The following RSF1 variants were observed in gnomAD, a reference collection of about 807,000 sequenced individuals.
The protein encoded by RSF1 is HBV pX-associated protein 8.
Under a neutral mutation model 145.2 loss-of-function variants are expected in RSF1, and 13 were observed. The observed-to-expected ratio is 0.09, with a 90% CI of 0.06 to 0.14. The LOEUF is 0.14. Ranked by LOEUF, RSF1 falls within the 10% of genes least tolerant of loss-of-function variation. The probability of loss-of-function intolerance (pLI) is 1.00; values close to 1 mark genes in which losing one functional copy is unlikely to be tolerated. For synonymous variants in RSF1, 577 were observed against 592.6 expected (o/e 0.97, Z 0.38); for missense variants, 1,517 against 1,718.2 (o/e 0.88, Z 2.07).
intron 9 of RSF1, among the ~76,000 whole-genome samples, chr11:77,690,302 CT>C (rs940506539): frequency 6.6e-6 from 1 of 152,126 alleles, no homozygotes; most frequent in Non-Finnish European, 1.5e-5. Flanking sequence ...CCAATGTTAG[CT>C]GCCCACCCAA....
At chr11:77,686,254 A>T (rs1367947499) in intron 9 of RSF1, among the ~76,000 whole-genome samples, 1 of 151,838 alleles carries the variant, frequency 6.6e-6, no homozygotes, top group Non-Finnish European at 1.5e-5. Context: ...TTGAAAAAAT[A>T]AAAATTGGCC....
chr11:77,667,404 T>C lies in RSF1; in HGVS notation c.3839A>G (p.Glu1280Gly). 6.2e-7 allele frequency: 1 copy of C among 1,614,070 alleles called. No individual in the cohort carries two copies. Among genetic ancestry groups the C allele is most frequent in the African/African-American group, 1.3e-5 (1 of 75,050 alleles). Residue 1280 changes from glutamate to glycine, a missense_variant, in exon 16 of 16, where the codon GAG becomes GGG. Physicochemically the swap from Glu to Gly is moderately conservative, Grantham distance 98. Transcript: ENST00000308488. ...SVRKRGRSTD[E>G]YSEADEEEEE... is the part of the protein sequence containing the mutation. The stretch of plus-strand genomic sequence containing the variant: ...CTCCTCCTCATCTGCTTCTGAATAC[T>C]CGTCTGTGCTTCGGCCCCGCTTTCG...
intron 1 of RSF1, among the ~76,000 whole-genome samples, chr11:77,787,880 A>C (rs1449835564): frequency 6.6e-6 from 1 of 150,540 alleles, no homozygotes; most frequent in African/African-American, 2.5e-5. Context: ...CTGTAATCCC[A>C]GCACTATGGG....
In RSF1 at chr11:77,789,477, C is replaced by T. The variant is rs1158974074; in HGVS notation, c.188-24788G>A. 2.0e-5 allele frequency among the ~76,000 whole-genome samples: 3 copies of T among 152,324 alleles called. No homozygotes were observed. The East Asian group carries it at 5.8e-4, about 29-fold the overall frequency. On this transcript the variant is annotated intron_variant, in intron 1 of 15. Coordinates refer to ENST00000308488, the MANE Select transcript of RSF1 (RefSeq NM_016578.4). Reference sequence around the variant, plus strand: ...CGCCGGGGCTGAGGCACAAGCAAGGCACAGGCTACCTCTGTCAGGGTTGAA... The same window carrying T: ...CGCCGGGGCTGAGGCACAAGCAAGGTACAGGCTACCTCTGTCAGGGTTGAA...
At chr11:77,867,762 T>C in the RSF1 span, among the ~76,000 whole-genome samples, 1 of 152,220 alleles carries the variant, frequency 6.6e-6, no homozygotes, top group African/African-American at 2.4e-5. Flanking sequence ...GCTACCATCC[T>C]TTAATGCTCA....
At chr11:77,837,016 T>A in the RSF1 span, among the ~76,000 whole-genome samples, 2 of 152,392 alleles carry the variant, frequency 1.3e-5, no homozygotes, top group Admixed American at 1.3e-4. Context: ...TTCTCTACTG[T>A]AGTATTAGAT....
chr11:77,704,833 A>G (rs1459484058), intron 5 of RSF1, among the ~76,000 whole-genome samples: 1 of 147,700 alleles, frequency 6.8e-6, no homozygotes, highest in African/African-American at 2.5e-5. Flanking sequence ...GCTCACCACA[A>G]CCTCCGTCTC....
intron 1 of RSF1, chr11:77,813,764 C>T (rs1472912260): frequency 2.4e-5 from 7 of 286,466 alleles, no homozygotes; most frequent in South Asian, 2.0e-4. Flanking sequence ...ATCACAGAGC[C>T]GCAGCACCTA....
chr11:77,702,473 C>A lies in RSF1; in HGVS notation c.756G>T (p.Lys252Asn). The A allele has an allele frequency of 6.5e-7, 1 of 1,548,420 alleles. No homozygotes were observed. The highest frequency in any genetic ancestry group is 8.6e-7 in the Non-Finnish European group (1 of 1,158,226). The change falls in exon 6 of 16, where the codon AAG becomes AAT. Residue 252 changes from lysine to asparagine, a missense_variant. Lys to Asn is a moderately conservative substitution (Grantham distance 94). Around this residue, in one of 12 missense-constraint regions of RSF1, gnomAD observed 207 missense variants for 191.4 expected, o/e 1.08. Coordinates refer to ENST00000308488, the MANE Select transcript of RSF1 (RefSeq NM_016578.4). ...CCATAGGCTGCTCCTCACTTTTCAT[C>A]TTTTCACTTTCTTTCTGTTCCTCTA... The part of the protein sequence containing the change: ...PKQEEQKESE[K>N]MKSEEQPMDL...
At chr11:77,820,778 G>C, upstream of RSF1, 1 of 1,482,372 alleles carries the variant, frequency 6.7e-7, no homozygotes, top group Non-Finnish European at 9.0e-7. Flanking sequence ...GCCGAGGGAT[G>C]GCAAGGCAAC....
At chr11:77,707,728 TA>T (rs931222208) in intron 5 of RSF1, among the ~76,000 whole-genome samples, 2 of 152,228 alleles carry the variant, frequency 1.3e-5, no homozygotes, top group African/African-American at 4.8e-5. Flanking sequence ...ATAAATTAGG[TA>T]AAACCATTCA....
At chr11:77,715,300 T>C (rs2135872775) in intron 5 of RSF1, among the ~76,000 whole-genome samples, 1 of 152,272 alleles carries the variant, frequency 6.6e-6, no homozygotes, top group Admixed American at 6.5e-5. Context: ...AACTCAAACA[T>C]GATGTAAAAG....
At chr11:77,820,737 G>A (rs1948864829), upstream of RSF1, 2 of 1,537,264 alleles carry the variant, frequency 1.3e-6, no homozygotes, top group Non-Finnish European at 1.8e-6. Context: ...GATGGAGGAG[G>A]AGGCGATGGG....
intron 9 of RSF1, among the ~76,000 whole-genome samples, chr11:77,690,655 T>C (rs914523684): frequency 6.6e-6 from 1 of 152,036 alleles, no homozygotes; most frequent in Non-Finnish European, 1.5e-5. Context: ...TGACCTCAGG[T>C]GATCTGCCTG....
At chr11:77,713,249 C>T (rs1263290727) in intron 5 of RSF1, among the ~76,000 whole-genome samples, 7 of 152,050 alleles carry the variant, frequency 4.6e-5, no homozygotes, top group South Asian at 2.1e-4. Flanking sequence ...AAAACACTCA[C>T]GGGAAAAGAG....
chr11:77,744,701 TA>T (rs1947980725), intron 3 of RSF1, among the ~76,000 whole-genome samples: 1 of 152,244 alleles, frequency 6.6e-6, no homozygotes, highest in Non-Finnish European at 1.5e-5. Context: ...TATGTGCTAT[TA>T]AATTTGGCTG....
chr11:77,862,090 C>T, the RSF1 span, among the ~76,000 whole-genome samples: 1 of 152,068 alleles, frequency 6.6e-6, no homozygotes, highest in African/African-American at 2.4e-5. Context: ...CCTAGTTTTC[C>T]TTAGTCCTTC....
intron 1 of RSF1, among the ~76,000 whole-genome samples, chr11:77,811,425 A>G (rs1948730100): frequency 6.6e-6 from 1 of 152,232 alleles, no homozygotes; most frequent in South Asian, 2.1e-4. Context: ...AGTAACTGCA[A>G]AAAGTGTTAT....
At chr11:77,774,577 T>A (rs1202725522) in intron 1 of RSF1, among the ~76,000 whole-genome samples, 3 of 25,328 alleles carry the variant, frequency 1.2e-4, no homozygotes, top group African/African-American at 2.4e-4. Flanking sequence ...TCTCAAAAAA[T>A]AAATAAATAA....
Sources: allele counts gnomAD v4.1 joint callset (sites outside exome capture counted in the v4.1 genomes callset), GRCh38; gene constraint gnomAD v4.1.1; regional missense constraint gnomAD v4.1.1; transcripts MANE v1.5; gene names NCBI Gene and HGNC (gene_info 2026-07-23, HGNC 2026-07-21).